The following DOCK1 variants were observed in gnomAD, a reference collection of about 807,000 sequenced individuals.
The protein encoded by DOCK1 is dedicator of cytokinesis protein 1.
A neutral mutation model predicts 262.7 loss-of-function variants in DOCK1; 138 were observed. The ratio of observed to expected loss-of-function variants is 0.53; its 90% confidence interval spans 0.46 to 0.61. DOCK1 has a LOEUF of 0.61. DOCK1 is among the 20% of genes least tolerant of loss of function. The pLI is 0.00. For missense variants in DOCK1, 1,908 were observed against 2,370.7 expected, an observed-to-expected ratio of 0.80 and a Z score of 4.05; for synonymous variants, 866 against 867.4, an observed-to-expected ratio of 1.00 and a Z score of 0.03.
chr10:127,102,587 T>C (rs531330672), intron 23 of DOCK1, among the ~76,000 whole-genome samples: 13 of 152,224 alleles, frequency 8.5e-5, no homozygotes, highest in Non-Finnish European at 1.9e-4. Context: ...CCCAGCACTT[T>C]GGGAGGCCGA....
intron 9 of DOCK1, 86 bp downstream of exon 9, chr10:126,999,521 T>A: frequency 9.0e-7 from 1 of 1,109,002 alleles, no homozygotes; most frequent in Non-Finnish European, 1.4e-6. Context: ...CCTGCGACAC[T>A]AGAACATGGG....
chr10:127,268,008 A>G (rs2060427183), intron 29 of DOCK1, among the ~76,000 whole-genome samples: 1 of 152,250 alleles, frequency 6.6e-6, no homozygotes, highest in Non-Finnish European at 1.5e-5. Context: ...CCCTAGAGGA[A>G]AATCGACAAT....
Position 127,025,884 on chromosome 10 carries a change from C to A in DOCK1, c.1552-468C>A, listed in dbSNP as rs546465465. On this transcript the variant is annotated intron_variant, in intron 15 of 51. Coordinates refer to ENST00000623213, the MANE Select transcript of DOCK1 (RefSeq NM_001290223.2). Reference sequence around the variant, plus strand: ...TTGAGGCCAGCCTAACATGGAAAAACCTTCTCTACTAAATACACAAAATTA... The same window carrying A: ...TTGAGGCCAGCCTAACATGGAAAAAACTTCTCTACTAAATACACAAAATTA... The A allele has an allele frequency of 6.5e-5, 11 of 168,684 alleles. No individual in the cohort carries two copies. In the South Asian group the frequency reaches 1.5e-3, roughly 24 times the overall value. The allele number at this position is 168,684 out of a possible 1,614,324, so 10.4% of individuals were successfully genotyped here. A position where few individuals can be genotyped will look rare whatever the true frequency, so the allele number is the denominator to read the frequency against.
At chr10:127,363,925 G>A (rs190145896) in intron 33 of DOCK1, among the ~76,000 whole-genome samples, 39 of 152,306 alleles carry the variant, frequency 2.6e-4, no homozygotes, top group African/African-American at 8.4e-4. Context: ...TCCAATTCAA[G>A]CTTGTAACAT....
intron 27 of DOCK1, among the ~76,000 whole-genome samples, chr10:127,220,725 T>G (rs1236502708): frequency 1.3e-5 from 2 of 151,784 alleles, no homozygotes; most frequent in African/African-American, 4.8e-5. Flanking sequence ...CAAGCAAAGA[T>G]GGGGGCCGTA....
intron 27 of DOCK1, among the ~76,000 whole-genome samples, chr10:127,227,823 G>A (rs1234857880): frequency 6.6e-6 from 1 of 152,156 alleles, no homozygotes; most frequent in Non-Finnish European, 1.5e-5. Flanking sequence ...CTGGGGCATT[G>A]ACATTGGGGT....
intron 23 of DOCK1, among the ~76,000 whole-genome samples, chr10:127,093,590 G>T (rs2047716294): frequency 6.6e-6 from 1 of 151,950 alleles, no homozygotes; most frequent in Admixed American, 6.6e-5. Context: ...CTGAGCTCAA[G>T]CGATCCTCCT....
chr10:127,255,840 G>A (rs1195917728), intron 28 of DOCK1, among the ~76,000 whole-genome samples: 3 of 152,182 alleles, frequency 2.0e-5, no homozygotes, highest in African/African-American at 7.2e-5. Flanking sequence ...ACTGAATTAC[G>A]GTACTCAGCC....
chr10:127,201,007 C>G (rs1165713133), intron 27 of DOCK1, among the ~76,000 whole-genome samples: 1 of 152,212 alleles, frequency 6.6e-6, no homozygotes, highest in Non-Finnish European at 1.5e-5. Flanking sequence ...CCCGTCAGTT[C>G]AGAAGCTGTG....
At chr10:127,378,230 G>T (rs1182268959) in intron 35 of DOCK1, among the ~76,000 whole-genome samples, 1 of 152,132 alleles carries the variant, frequency 6.6e-6, no homozygotes, top group African/African-American at 2.4e-5. Context: ...TGCAGAGTGG[G>T]GTCCAGTATT....
At chr10:127,298,933 G>T (rs2061591181) in intron 29 of DOCK1, among the ~76,000 whole-genome samples, 1 of 152,124 alleles carries the variant, frequency 6.6e-6, no homozygotes, top group Admixed American at 6.5e-5. Context: ...GTGGTCCAGG[G>T]AGATGGGATA....
In DOCK1 at chr10:127,425,918, C is replaced by T. The variant is rs375346411; in HGVS notation, c.4821C>T (p.Val1607=). The T allele has an allele frequency of 6.2e-7, 1 of 1,613,894 alleles. No homozygotes were observed. Among genetic ancestry groups the T allele is most frequent in the Non-Finnish European group, 8.5e-7 (1 of 1,179,904 alleles). ...GGATCAGAATCCATGGAGACAAAGT[C>T]ACGGAGGCACTGAGGCCGTTCCACG... ...AEGIRIHGDK[V]TEALRPFHER... is the part of the protein sequence containing the mutation. The change falls in exon 47 of 52, where the codon GTC becomes GTT. Residue 1607 remains valine (V), a synonymous_variant. Coordinates refer to ENST00000623213, the MANE Select transcript of DOCK1 (RefSeq NM_001290223.2).
At chr10:127,370,939 T>G (rs544984258) in intron 33 of DOCK1, among the ~76,000 whole-genome samples, 1 of 152,376 alleles carries the variant, frequency 6.6e-6, no homozygotes, top group South Asian at 2.1e-4. Flanking sequence ...ATAATGGTTT[T>G]GCTTATTACG....
chr10:127,120,553 T>C (rs1310266298), intron 25 of DOCK1, among the ~76,000 whole-genome samples: 1 of 152,206 alleles, frequency 6.6e-6, no homozygotes, highest in Non-Finnish European at 1.5e-5. Context: ...AAGTCCAGTA[T>C]TTTACACTTA....
intron 23 of DOCK1, among the ~76,000 whole-genome samples, chr10:127,070,835 AG>A (rs2046187718): frequency 1.3e-5 from 2 of 151,864 alleles, no homozygotes; most frequent in African/African-American, 4.8e-5. Flanking sequence ...GCTGATGCTA[AG>A]GTTGTGGGTC....
intron 10 of DOCK1, chr10:127,000,879 T>G (rs563846822): frequency 6.3e-6 from 1 of 159,094 alleles, no homozygotes; most frequent in Admixed American, 6.5e-5. Flanking sequence ...ATGTTGGTGC[T>G]CTTTATCTGC....
chr10:127,136,292 G>A (rs140280042), intron 27 of DOCK1: 75 of 152,152 alleles, frequency 4.9e-4, no homozygotes, highest in Middle Eastern at 3.4e-3. Context: ...GAAAATACAT[G>A]GCAAGAAGCA....
intron 49 of DOCK1, among the ~76,000 whole-genome samples, chr10:127,443,425 GT>G (rs915847565): frequency 7.2e-5 from 11 of 152,132 alleles, no homozygotes; most frequent in Non-Finnish European, 1.2e-4. Context: ...CTGTGTTGTG[GT>G]TTTTATATTG....
intron 33 of DOCK1, among the ~76,000 whole-genome samples, chr10:127,362,991 C>A (rs370553693): frequency 8.2e-4 from 39 of 47,560 alleles, no homozygotes; most frequent in African/African-American, 1.4e-3. Context: ...ACACATCCCC[C>A]CCCACACACA....
Sources: gnomAD v4.1 joint callset for allele counts (sites outside exome capture counted in the v4.1 genomes callset) on GRCh38, gnomAD v4.1.1 for gene constraint, MANE v1.5 for transcripts, NCBI Gene and HGNC (gene_info 2026-07-23, HGNC 2026-07-21) for gene names.